The following KHDC4 variants were observed in gnomAD, a reference collection of about 807,000 sequenced individuals.
KHDC4 encodes the protein KH homology domain-containing protein 4.
In KHDC4, 19 loss-of-function variants were observed where a neutral mutation model predicts 74.5. The ratio of observed to expected loss-of-function variants is 0.26; its 90% CI spans 0.18 to 0.37. The LOEUF (loss-of-function observed/expected upper bound fraction) is 0.37, where lower values mean the gene tolerates loss of function less well. Among genes scored for constraint, KHDC4 ranks in the 10% least tolerant of loss-of-function variants. The pLI, the probability that KHDC4 is intolerant of heterozygous loss-of-function variation, is 1.00. For synonymous variants in KHDC4, 253 were observed against 266.1 expected (o/e 0.95, Z 0.48); for missense variants, 632 against 754.1 (o/e 0.84, Z 1.90).
At chr1:155,924,869 T>TG (rs1673950359) in intron 7 of KHDC4, among the ~76,000 whole-genome samples, 1 of 146,776 alleles carries the variant, frequency 6.8e-6, no homozygotes. Flanking sequence ...CCACCGCACC[T>TG]GGTTTTTTTT....
At chr1:155,930,818 C>T (rs1364108928) in intron 2 of KHDC4, among the ~76,000 whole-genome samples, 1 of 152,124 alleles carries the variant, frequency 6.6e-6, no homozygotes, top group Non-Finnish European at 1.5e-5. Flanking sequence ...AGTTTGTGAT[C>T]AGCCTGGTCA....
chr1:155,931,856 T>C (rs1674147499), intron 2 of KHDC4, among the ~76,000 whole-genome samples: 1 of 152,234 alleles, frequency 6.6e-6, no homozygotes, highest in African/African-American at 2.4e-5. Flanking sequence ...TAACCCCTTA[T>C]AGTATTCATT....
Position 155,927,179 on chromosome 1 carries a change from A to G in KHDC4, c.465-23T>C, listed in dbSNP as rs141987107. On this transcript the variant is annotated intron_variant, in intron 4 of 13. Transcript: ENST00000368321. Reference sequence around the variant, plus strand: ...TCCCTATAAAGAGAAACAAAAAAGGATGATCTCAATGTGGTCAAAACCAAA... The same window carrying G: ...TCCCTATAAAGAGAAACAAAAAAGGGTGATCTCAATGTGGTCAAAACCAAA... The G allele has an allele frequency of 4.1e-4, 652 of 1,606,576 alleles. 2 individuals are homozygous for G. The African/African-American group carries it at 7.2e-3, about 18-fold the overall frequency.
At position 155,918,757 on chromosome 1, in the gene KHDC4, G is replaced by T. The variant is rs544548237; in HGVS notation, c.1267-1085C>A. ...GCAGTCTATCACTGACTAAAACGTTGTAAGGTGGCTGACTGTATTAATAAC... is the reference window on the plus strand; with the variant it reads ...GCAGTCTATCACTGACTAAAACGTTTTAAGGTGGCTGACTGTATTAATAAC... On this transcript the variant is annotated intron_variant, in intron 10 of 13. Coordinates refer to ENST00000368321, the MANE Select transcript of KHDC4 (RefSeq NM_014949.4). 2.6e-5 allele frequency among the ~76,000 whole-genome samples: 4 copies of T among 152,284 alleles called. No homozygotes were observed. The South Asian group carries it at 8.3e-4, about 32-fold the overall frequency.
intron 7 of KHDC4, 25 bp downstream of exon 7, chr1:155,925,605 CAT>C (rs765005002): frequency 4.4e-6 from 7 of 1,587,082 alleles, no homozygotes; most frequent in Admixed American, 1.7e-5. Context: ...CAAGAATTCA[CAT>C]GTCCCCTGCC....
chr1:155,920,517 GT>G (rs1408117272), intron 10 of KHDC4, among the ~76,000 whole-genome samples: 2 of 152,088 alleles, frequency 1.3e-5, no homozygotes, highest in African/African-American at 4.8e-5. Flanking sequence ...CATTTGAAAA[GT>G]TTATATATCT....
In KHDC4 at chr1:155,925,326, C is replaced by T. The variant is rs947994825; in HGVS notation, c.893+306G>A. ...GATTACAGGTGTGAGCCACCGTGCCCGCCTAATTTTTAAAATTTTTTTGGA... is the reference window on the plus strand; with the variant it reads ...GATTACAGGTGTGAGCCACCGTGCCTGCCTAATTTTTAAAATTTTTTTGGA... On this transcript the variant is annotated intron_variant, in intron 7 of 13. Coordinates refer to ENST00000368321, the MANE Select transcript of KHDC4 (RefSeq NM_014949.4). Among the ~76,000 whole-genome samples the T allele has an allele frequency of 3.9e-5, 6 of 151,912 alleles. No homozygotes were observed. The East Asian group carries it at 7.7e-4, about 20-fold the overall frequency.
chr1:155,919,110 G>A (rs549221564), intron 10 of KHDC4, among the ~76,000 whole-genome samples: 31 of 150,990 alleles, frequency 2.1e-4, no homozygotes, highest in African/African-American at 6.8e-4. Flanking sequence ...TGGGATTACA[G>A]ATGCCTGCCA....
intron 10 of KHDC4, among the ~76,000 whole-genome samples, chr1:155,920,590 G>A (rs1431655643): frequency 1.3e-5 from 2 of 152,036 alleles, no homozygotes; most frequent in Non-Finnish European, 1.5e-5. Flanking sequence ...ACTGAGGCTG[G>A]AGTGCACTGG....
intron 2 of KHDC4, among the ~76,000 whole-genome samples, chr1:155,931,943 A>C (rs1284311494): frequency 6.6e-6 from 1 of 152,174 alleles, no homozygotes; most frequent in African/African-American, 2.4e-5. Flanking sequence ...ACTTTTGGTG[A>C]CAAGGGTTCT....
chr1:155,928,011 G>C (rs1385335284), intron 4 of KHDC4, among the ~76,000 whole-genome samples: 2 of 151,968 alleles, frequency 1.3e-5, no homozygotes, highest in South Asian at 2.1e-4. Flanking sequence ...TTAATAAAAA[G>C]TAGCAGGTAA....
chr1:155,914,405 TG>T (rs1673688439), intron 13 of KHDC4, 85 bp from the exon 14 acceptor site: 13 of 1,163,304 alleles, frequency 1.1e-5, no homozygotes, highest in Non-Finnish European at 1.3e-5. Context: ...AAAAAAAAGA[TG>T]TTAATTTTAA....
At chr1:155,914,490 C>T (rs1673690126) in intron 13 of KHDC4, 170 bp from the exon 14 acceptor site, 1 of 591,258 alleles carries the variant, frequency 1.7e-6, no homozygotes, top group Non-Finnish European at 3.0e-6. Context: ...ACACGAAAAA[C>T]AGCACCAGCA....
chr1:155,919,195 T>C (rs2102598642), intron 10 of KHDC4, among the ~76,000 whole-genome samples: 1 of 151,374 alleles, frequency 6.6e-6, no homozygotes, highest in South Asian at 2.1e-4. Flanking sequence ...CTTGAACTCC[T>C]GACCTCAAGT....
At chr1:155,916,056 A>T in intron 12 of KHDC4, 92 bp from the exon 13 acceptor site, 1 of 778,390 alleles carries the variant, frequency 1.3e-6, no homozygotes, top group Admixed American at 2.5e-5. Context: ...TCTGCAGACA[A>T]TCCTTCAAAT....
chr1:155,928,812 C>T (rs1163871928), intron 4 of KHDC4, among the ~76,000 whole-genome samples: 2 of 151,178 alleles, frequency 1.3e-5, no homozygotes, highest in Non-Finnish European at 3.0e-5. Flanking sequence ...ATTAGCCAGG[C>T]GTGGTGGCAG....
In KHDC4 at chr1:155,913,784, C is replaced by T. The variant is rs1331395910; in HGVS notation, c.*337G>A. 1 of 235,484 alleles carries T rather than the reference C, an allele frequency of 4.2e-6. No homozygotes were observed. The allele number at this position is 235,484 out of a possible 1,614,324, so 14.6% of individuals were successfully genotyped here. On this transcript the variant is annotated 3_prime_UTR_variant, in exon 14 of 14. Transcript: ENST00000368321. ...AAATAAAACTTTCTTTATGTCAGAA[C>T]TGGGGCTATTCACCTGGAAAAGGCT...
chr1:155,921,816 C>T, intron 9 of KHDC4, 45 bp downstream of exon 9: 1 of 1,478,062 alleles, frequency 6.8e-7, no homozygotes, highest in Non-Finnish European at 9.4e-7. Flanking sequence ...TTACACATAA[C>T]TATCACTAGC....
intron 4 of KHDC4, 30 bp downstream of exon 4, chr1:155,929,266 C>T (rs1674092902): frequency 2.6e-6 from 4 of 1,509,960 alleles, no homozygotes; most frequent in Non-Finnish European, 3.7e-6. Flanking sequence ...ACACCCAACC[C>T]TTCCATAAAC....
Sources: gnomAD v4.1 joint callset for allele counts (sites outside exome capture counted in the v4.1 genomes callset) on GRCh38, gnomAD v4.1.1 for gene constraint, MANE v1.5 for transcripts, NCBI Gene and HGNC (gene_info 2026-07-23, HGNC 2026-07-21) for gene names.